XKRX: variants seen among roughly 807,000 people sequenced by gnomAD.
XKRX encodes the protein XK related X-linked.
In XKRX, 11 loss-of-function variants were observed where a neutral mutation model predicts 22.4. The observed-to-expected ratio is 0.49, with a 90% CI of 0.31 to 0.81. The LOEUF is 0.81. Ranked by LOEUF, XKRX falls within the 40% of genes least tolerant of loss-of-function variation. The pLI, the probability that XKRX is intolerant of heterozygous loss-of-function variation, is 0.05. For missense variants in XKRX, 320 were observed against 336.5 expected (o/e 0.95, Z 0.38); for synonymous variants, 114 against 132.2 (o/e 0.86, Z 0.94).
chrX:100,899,036 CCA>C, the XKRX span, among the ~76,000 whole-genome samples: 129 of 111,120 alleles, frequency 1.2e-3, no homozygotes, highest in Non-Finnish European at 2.0e-3. Context: ...AATCCGAGTT[CCA>C]GAGTTCCAAC....
the XKRX span, among the ~76,000 whole-genome samples, chrX:100,892,096 A>G: frequency 8.9e-6 from 1 of 111,934 alleles, no homozygotes; most frequent in Non-Finnish European, 1.9e-5. Flanking sequence ...AAGAGAGACA[A>G]TCTACAGAAT....
At chrX:100,945,588 A>G in the XKRX span, among the ~76,000 whole-genome samples, 1 of 111,550 alleles carries the variant, frequency 9.0e-6, no homozygotes, top group Non-Finnish European at 1.9e-5. Context: ...CTATGCAGTC[A>G]GGCAGACCTG....
chrX:100,951,030 C>T, the XKRX span, among the ~76,000 whole-genome samples: 1 of 108,929 alleles, frequency 9.2e-6, no homozygotes, highest in African/African-American at 3.4e-5. Flanking sequence ...GTCAGGAGTT[C>T]GAGAGCAGCC....
the XKRX span, among the ~76,000 whole-genome samples, chrX:100,936,915 G>T: frequency 9.2e-6 from 1 of 109,171 alleles, no homozygotes; most frequent in Non-Finnish European, 1.9e-5. Context: ...AGATTTGGGT[G>T]GAGACACAGA....
At chrX:100,938,327 G>C in the XKRX span, among the ~76,000 whole-genome samples, 1 of 111,327 alleles carries the variant, frequency 9.0e-6, no homozygotes, top group Non-Finnish European at 1.9e-5. Context: ...TTATGGACTG[G>C]AGTAAAAAAC....
chrX:100,907,385 A>C, the XKRX span, among the ~76,000 whole-genome samples: 1 of 110,577 alleles, frequency 9.0e-6, no homozygotes, highest in Non-Finnish European at 1.9e-5. Context: ...TTTTTAGTAG[A>C]GTTGCGGTCT....
chrX:100,927,707 C>T (rs967523730), intron 1 of XKRX, among the ~76,000 whole-genome samples: 5 of 111,794 alleles, frequency 4.5e-5, no homozygotes, highest in African/African-American at 1.6e-4. Flanking sequence ...AGGGTGATCA[C>T]GTCTTGTTGT....
the XKRX span, among the ~76,000 whole-genome samples, chrX:100,891,796 A>AAAGAAAGAAAGT: frequency 1.0e-5 from 1 of 96,003 alleles, no homozygotes; most frequent in Non-Finnish European, 2.1e-5. Flanking sequence ...AGAAAGAAAG[A>AAAGAAAGAAAGT]AAGTAAGTTA....
chrX:100,900,847 T>A, the XKRX span, among the ~76,000 whole-genome samples: 233 of 101,599 alleles, frequency 2.3e-3, 2 homozygotes, highest in African/African-American at 8.1e-3. Context: ...TGGAGTGCAG[T>A]GTCACGATCT....
chrX:100,946,196 A>G, the XKRX span, among the ~76,000 whole-genome samples: 3 of 110,605 alleles, frequency 2.7e-5, no homozygotes, highest in Non-Finnish European at 3.8e-5. Context: ...AAAGAAAAAA[A>G]AAAAAAAGCC....
chrX:100,954,486 C>A, the XKRX span, among the ~76,000 whole-genome samples: 1 of 110,948 alleles, frequency 9.0e-6, no homozygotes, highest in Non-Finnish European at 1.9e-5. Flanking sequence ...AATAATACAG[C>A]TGCTTTGAAA....
chrX:100,943,516 G>A, the XKRX span, among the ~76,000 whole-genome samples: 3 of 111,391 alleles, frequency 2.7e-5, no homozygotes, highest in African/African-American at 9.8e-5. Flanking sequence ...CGATTCTCCT[G>A]CCTCAGCCTC....
At chrX:100,946,904 G>A in the XKRX span, among the ~76,000 whole-genome samples, 3 of 111,893 alleles carry the variant, frequency 2.7e-5, no homozygotes, top group African/African-American at 6.5e-5. Flanking sequence ...TAGATCAGGA[G>A]GGTTAAGTAG....
downstream of XKRX, chrX:100,913,311 C>T (rs1214744434): frequency 9.1e-6 from 1 of 110,028 alleles, no homozygotes; most frequent in Non-Finnish European, 1.9e-5. Context: ...GTGTTAGTCA[C>T]CCATCCCAAT....
chrX:100,921,618 G>A (rs906160789), intron 2 of XKRX, among the ~76,000 whole-genome samples: 7 of 110,804 alleles, frequency 6.3e-5, no homozygotes, highest in Non-Finnish European at 1.1e-4. Context: ...CAAATCTCAG[G>A]CTGTTAAAAT....
chrX:100,942,252 C>T, the XKRX span, among the ~76,000 whole-genome samples: 1 of 112,244 alleles, frequency 8.9e-6, no homozygotes, highest in African/African-American at 3.2e-5. Context: ...GGTATTAGGA[C>T]TAGAACCCAA....
chrX:100,900,935 G>T, the XKRX span, among the ~76,000 whole-genome samples: 3 of 108,507 alleles, frequency 2.8e-5, no homozygotes, highest in Non-Finnish European at 5.7e-5. Context: ...GACTACAGGA[G>T]CCCACCACCA....
chrX:100,949,604 G>C, the XKRX span, among the ~76,000 whole-genome samples: 1 of 110,610 alleles, frequency 9.0e-6, no homozygotes, highest in Non-Finnish European at 1.9e-5. Flanking sequence ...CTGACCTCAG[G>C]TGATCTGCCC....
At position 100,914,098 on chromosome X, in the gene XKRX, G is replaced by A; in HGVS notation, c.*240C>T. ...ATTCCAATTGACTTGGGTAAGAAGGGTGTGAATGGTATTTCTGACCCTTTC... is the reference window on the plus strand; with the variant it reads ...ATTCCAATTGACTTGGGTAAGAAGGATGTGAATGGTATTTCTGACCCTTTC... On this transcript the variant is annotated 3_prime_UTR_variant, in exon 3 of 3. Coordinates refer to ENST00000372956, the MANE Select transcript of XKRX (RefSeq NM_212559.3). The A allele has an allele frequency of 2.5e-6, 1 of 395,481 alleles. No homozygotes were observed. Among genetic ancestry groups the A allele is most frequent in the East Asian group, 4.0e-5 (1 of 25,027 alleles). The allele number at this position is 395,481 out of a possible 1,213,427, so 32.6% of individuals were successfully genotyped here.
Sources: gnomAD v4.1 joint callset for allele counts (sites outside exome capture counted in the v4.1 genomes callset) on GRCh38, gnomAD v4.1.1 for gene constraint, MANE v1.5 for transcripts, NCBI Gene and HGNC (gene_info 2026-07-23, HGNC 2026-07-21) for gene names.